HERC1: variants seen among roughly 807,000 people sequenced by gnomAD.
The protein encoded by HERC1 is HECT and RLD domain containing E3 ubiquitin protein ligase family member 1, also known as probable E3 ubiquitin-protein ligase HERC1.
Under a neutral mutation model 554.3 loss-of-function variants are expected in HERC1, and 160 were observed. That is an observed-to-expected ratio of 0.29 (90% CI 0.25 to 0.33). The LOEUF (loss-of-function observed/expected upper bound fraction) is 0.33, where lower values mean the gene tolerates loss of function less well. HERC1 is among the 10% of genes least tolerant of loss of function. The pLI is 1.00. For synonymous variants in HERC1, 2,175 were observed against 2,131.7 expected (o/e 1.02, Z -0.56); for missense variants, 4,919 against 5,918.5 (o/e 0.83, Z 5.54).
chr15:63,801,143 G>A (rs1289159000), intron 1 of HERC1, among the ~76,000 whole-genome samples: 1 of 152,082 alleles, frequency 6.6e-6, no homozygotes, highest in African/African-American at 2.4e-5. Context: ...CTTGCCCTAT[G>A]CATCTCTCCC....
At chr15:63,757,988 G>A (rs1000790640) in intron 4 of HERC1, among the ~76,000 whole-genome samples, 187 bp downstream of exon 4, 6 of 152,146 alleles carry the variant, frequency 3.9e-5, no homozygotes, top group African/African-American at 7.2e-5. Flanking sequence ...GATTACAGGC[G>A]TGAGCCACTG....
Position 63,677,770 on chromosome 15 carries a change from C to T in HERC1, c.7070+75G>A, listed in dbSNP as rs1172064346. On this transcript the variant is annotated intron_variant, in intron 37 of 77. Transcript: ENST00000443617. The surrounding 1 kb of genome is among the most constrained non-coding windows in gnomAD (Gnocchi z 4.4). ...GCAGCTCACCTAAAATACATAATTA[C>T]TCACTGTCGACAGGCAATGGCCTAT... 6.5e-7 allele frequency: 1 copy of T among 1,527,580 alleles called. No individual in the cohort carries two copies. Among genetic ancestry groups the T allele is most frequent in the Non-Finnish European group, 8.8e-7 (1 of 1,138,084 alleles). The allele number at this position is 1,527,580 out of a possible 1,614,324, so 94.6% of individuals were successfully genotyped here.
Position 63,627,188 on chromosome 15 carries a change from T to C in HERC1, c.13106-1034A>G, listed in dbSNP as rs74018151. Reference sequence around the variant, plus strand: ...ATTTCCTGCTTGTTTGGCATCTACCTGGAATTCCCACTTTTCTCTCTTAGA... The same window carrying C: ...ATTTCCTGCTTGTTTGGCATCTACCCGGAATTCCCACTTTTCTCTCTTAGA... On this transcript the variant is annotated intron_variant, in intron 70 of 77. Transcript: ENST00000443617. Among the ~76,000 whole-genome samples the C allele has an allele frequency of 9.9e-3, 1,507 of 152,310 alleles. 23 individuals carry two copies. Among genetic ancestry groups the C allele is most frequent in the African/African-American group, 0.035 (1,439 of 41,576 alleles).
At chr15:63,624,430 C>T in intron 71 of HERC1, 103 bp from the exon 72 acceptor site, 1 of 1,050,024 alleles carries the variant, frequency 9.5e-7, no homozygotes, top group Non-Finnish European at 1.4e-6. Context: ...GGCGCAGTGG[C>T]TCATGCCTGT....
intron 55 of HERC1, among the ~76,000 whole-genome samples, chr15:63,646,071 T>C (rs1303053314): frequency 6.6e-6 from 1 of 152,210 alleles, no homozygotes; most frequent in African/African-American, 2.4e-5. Flanking sequence ...TACATCCCAA[T>C]AGCAAACACT....
At position 63,689,797 on chromosome 15, in the gene HERC1, C is replaced by G. The variant is rs1049325001; in HGVS notation, c.5938-98G>C. The G allele has an allele frequency of 6.2e-6, 4 of 650,062 alleles. No individual in the cohort carries two copies. In the East Asian group the frequency reaches 1.2e-4, roughly 19 times the overall value. 40.3% of individuals were successfully genotyped at this position (650,062 alleles called of 1,614,324 possible). A position where few individuals can be genotyped will look rare whatever the true frequency, so the allele number is the denominator to read the frequency against. ...GTTAACTGTAATATTAACTCGCATG[C>G]GAAGTTTGATTATACCAGTGTTCAA... On this transcript the variant is annotated intron_variant, in intron 32 of 77. Transcript: ENST00000443617.
At chr15:63,635,016 G>A in intron 65 of HERC1, 128 bp from the exon 66 acceptor site, 1 of 621,340 alleles carries the variant, frequency 1.6e-6, no homozygotes, top group South Asian at 3.0e-5. Flanking sequence ...GATCTTCAAA[G>A]ACCAATGCTT....
chr15:63,828,331 T>C lies in HERC1; in HGVS notation c.-27+5496A>G, dbSNP rs1235539869. 2.6e-5 allele frequency among the ~76,000 whole-genome samples: 4 copies of C among 151,376 alleles called. No individual in the cohort carries two copies. The South Asian group carries it at 6.3e-4, about 24-fold the overall frequency. On this transcript the variant is annotated intron_variant, in intron 1 of 77. Coordinates refer to ENST00000443617, the MANE Select transcript of HERC1 (RefSeq NM_003922.4). ...ACAAGGAGAGAGTGACACTTTTCAG[T>C]ACAACTTTTTTCCTTTTTTTTTTTT...
chr15:63,627,758 A>G (rs1171200938), intron 70 of HERC1, among the ~76,000 whole-genome samples: 3 of 152,180 alleles, frequency 2.0e-5, no homozygotes, highest in Non-Finnish European at 4.4e-5. Context: ...TAACAGCTAC[A>G]TCTGGAAGGA....
intron 46 of HERC1, among the ~76,000 whole-genome samples, chr15:63,660,629 C>T (rs1211995867): frequency 1.3e-5 from 2 of 152,028 alleles, no homozygotes; most frequent in Non-Finnish European, 2.9e-5. Context: ...AAAATGAGTG[C>T]TCCAGAAAAA....
At chr15:63,620,798 A>G (rs182978313) in intron 74 of HERC1, among the ~76,000 whole-genome samples, 41 of 152,264 alleles carry the variant, frequency 2.7e-4, no homozygotes, top group African/African-American at 9.9e-4. Context: ...TTGTTTTATC[A>G]GAGACTAGGA....
In HERC1 at chr15:63,672,563, G is replaced by C; in HGVS notation, c.7978C>G (p.Pro2660Ala). ...SLEDTTTATT[P>A]VTDTETVPAS... ...GGCACTGTTTCTGTGTCAGTGACTG[G>C]AGTGGTGGCAGTTGTGGTGTCCTCC... The change falls in exon 39 of 78, where the codon CCA becomes GCA. Residue 2660 changes from proline (P) to alanine (A), a missense_variant. By Grantham distance (27) the Pro-to-Ala change is conservative. This residue lies in a region of HERC1 where 1,963 missense variants were observed against 2,228.6 expected (regional missense o/e 0.88). Coordinates refer to ENST00000443617, the MANE Select transcript of HERC1 (RefSeq NM_003922.4). 6.2e-7 allele frequency: 1 copy of C among 1,610,680 alleles called. No homozygotes were observed. The highest frequency in any genetic ancestry group is 8.5e-7 in the Non-Finnish European group (1 of 1,178,450).
intron 25 of HERC1, among the ~76,000 whole-genome samples, chr15:63,699,672 G>T (rs1478421457): frequency 1.3e-5 from 2 of 152,124 alleles, no homozygotes; most frequent in Non-Finnish European, 2.9e-5. Context: ...ACTGTAAAAT[G>T]ATACCTATAT....
intron 68 of HERC1, 33 bp from the exon 69 acceptor site, chr15:63,630,668 G>A (rs777664587): frequency 1.0e-5 from 16 of 1,593,846 alleles, no homozygotes; most frequent in African/African-American, 5.4e-5. Context: ...ATGTGGAAAT[G>A]TTATGCACCA....
intron 12 of HERC1, among the ~76,000 whole-genome samples, chr15:63,745,856 T>C (rs1243423925): frequency 6.6e-6 from 1 of 152,196 alleles, no homozygotes; most frequent in African/African-American, 2.4e-5. Context: ...TCCCTTTTGA[T>C]TTCTGTAGGG....
Position 63,660,661 on chromosome 15 carries a change from T to C in HERC1, c.9223+312A>G, listed in dbSNP as rs562771427. Among the ~76,000 whole-genome samples the C allele has an allele frequency of 2.6e-5, 4 of 152,302 alleles. No individual in the cohort carries two copies. In the East Asian group the frequency reaches 5.8e-4, roughly 22 times the overall value. ...AAAATCAATGCTCATCTCTATTTAT[T>C]TTTTACTTTCCACAATTAGGGTGGA... On this transcript the variant is annotated intron_variant, in intron 46 of 77. Transcript: ENST00000443617.
At chr15:63,687,358 T>A (rs1478585212) in intron 33 of HERC1, among the ~76,000 whole-genome samples, 1 of 152,030 alleles carries the variant, frequency 6.6e-6, no homozygotes, top group Non-Finnish European at 1.5e-5. Context: ...GCTAATATGG[T>A]GAAACCCCGT....
chr15:63,664,621 C>T, intron 42 of HERC1, 27 bp from the exon 43 acceptor site: 4 of 1,602,076 alleles, frequency 2.5e-6, no homozygotes, highest in Non-Finnish European at 3.4e-6. Flanking sequence ...GAAAGCAACA[C>T]AAAGTTTTTG....
intron 1 of HERC1, among the ~76,000 whole-genome samples, chr15:63,776,142 T>G (rs1402339598): frequency 1.3e-5 from 2 of 152,212 alleles, no homozygotes; most frequent in Non-Finnish European, 2.9e-5. Context: ...GTTCTACAGC[T>G]GATGACTCCC....
Sources: gnomAD v4.1 joint callset for allele counts (sites outside exome capture counted in the v4.1 genomes callset) on GRCh38, gnomAD v4.1.1 for gene constraint, gnomAD v4.1.1 regional missense constraint, Gnocchi (gnomAD v3.1) non-coding constraint, MANE v1.5 for transcripts, NCBI Gene and HGNC (gene_info 2026-07-23, HGNC 2026-07-21) for gene names.